The following IL17REL variants were observed in gnomAD, a reference collection of about 807,000 sequenced individuals.
IL17REL encodes the protein interleukin-17 receptor E-like protein.
In IL17REL, 36 loss-of-function variants were observed where a neutral mutation model predicts 49.0. That is an observed-to-expected ratio of 0.73 (90% CI 0.56 to 0.97). The LOEUF (loss-of-function observed/expected upper bound fraction) is 0.97. Among genes scored for constraint, IL17REL ranks in the 50% least tolerant of loss-of-function variants. The pLI is 0.00. For synonymous variants in IL17REL, 206 were observed against 192.4 expected (o/e 1.07, Z -0.58); for missense variants, 470 against 453.9 (o/e 1.04, Z -0.32).
At chr22:50,005,814 C>CA (rs1330650581) in intron 1 of IL17REL, among the ~76,000 whole-genome samples, 1 of 117,148 alleles carries the variant, frequency 8.5e-6, no homozygotes, top group Non-Finnish European at 1.8e-5. Context: ...CCCTACCCCC[C>CA]AGAAAATAAA....
intron 7 of IL17REL, 23 bp from the exon 10 acceptor site, chr22:49,998,332 A>C (rs1414905789): frequency 1.3e-6 from 2 of 1,579,904 alleles, no homozygotes; most frequent in Non-Finnish European, 8.6e-7. Flanking sequence ...TCCCCGAAAC[A>C]CAGGTCAGTT....
intron 1 of IL17REL, among the ~76,000 whole-genome samples, chr22:50,006,818 G>C (rs2061112894): frequency 6.6e-6 from 1 of 151,920 alleles, no homozygotes; most frequent in African/African-American, 2.4e-5. Flanking sequence ...ACCCAGGCAT[G>C]GTGGCACATG....
upstream of IL17REL, among the ~76,000 whole-genome samples, chr22:50,010,715 C>A (rs929798905): frequency 6.6e-6 from 1 of 152,140 alleles, no homozygotes; most frequent in Non-Finnish European, 1.5e-5. Context: ...CAGGAGAAGC[C>A]GCTGTCGGGG....
chr22:49,997,236 G>T, intron 11 of IL17REL, 84 bp downstream of exon 13: 1 of 1,474,540 alleles, frequency 6.8e-7, no homozygotes, highest in Non-Finnish European at 9.3e-7. Context: ...CCCGGGTGGG[G>T]CAGAGACCAC....
intron 9 of IL17REL, 58 bp from the exon 12 acceptor site, chr22:49,997,800 ACAGGGG>A (rs1163523756): frequency 1.9e-5 from 30 of 1,557,762 alleles, no homozygotes; most frequent in South Asian, 5.6e-5. Flanking sequence ...AGGGGCAGGG[ACAGGGG>A]CAGGGACAGG....
At chr22:50,005,674 G>A (rs982446195) in intron 1 of IL17REL, among the ~76,000 whole-genome samples, 1 of 151,976 alleles carries the variant, frequency 6.6e-6, no homozygotes, top group Non-Finnish European at 1.5e-5. Context: ...TGGTGCTGCT[G>A]GGCGCCTGTA....
At chr22:49,995,816 TG>T (rs1037253799) in exon 13 of IL17REL, 1 of 152,684 alleles carries the variant, frequency 6.5e-6, no homozygotes, top group Non-Finnish European at 1.5e-5. Context: ...GGAGTGTGTA[TG>T]ACCCCCAGAT....
chr22:49,998,107 C>T (rs753973267), intron 8 of IL17REL, 30 bp downstream of exon 10: 1 of 1,591,888 alleles, frequency 6.3e-7, no homozygotes, highest in Admixed American at 1.8e-5. Flanking sequence ...CATCCATGCC[C>T]ACCCCCATCC....
downstream of IL17REL, among the ~76,000 whole-genome samples, chr22:49,993,581 T>G (rs6010162): frequency 0.029 from 4,390 of 152,262 alleles, 214 homozygotes; most frequent in African/African-American, 0.1. The surrounding 1 kb of genome is among the most constrained non-coding windows in gnomAD (Gnocchi z 6.0). Context: ...TCCAGCAGGT[T>G]CCTCCCTTGT....
chr22:49,997,499 G>T lies in IL17REL; in HGVS notation c.878-83C>A. 6.9e-7 allele frequency: 1 copy of T among 1,445,730 alleles called. No individual in the cohort carries two copies. The highest frequency in any genetic ancestry group is 9.6e-7 in the Non-Finnish European group (1 of 1,043,470). 89.6% of individuals were successfully genotyped at this position (1,445,730 alleles called of 1,614,324 possible). A position where few individuals can be genotyped will look rare whatever the true frequency, so the allele number is the denominator to read the frequency against. On this transcript the variant is annotated intron_variant, in intron 10 of 12. Transcript: ENST00000341280. ...ATTTTCCAGGCTGTGGGGAGTGAAG[G>T]GTGAGACCCCCATCCGGCCCAGCAC...
At chr22:50,007,546 G>C (rs200650415) in intron 1 of IL17REL, among the ~76,000 whole-genome samples, 34,461 of 151,534 alleles carry the variant, frequency 0.23, 4,219 homozygotes, top group South Asian at 0.4. Context: ...AATTTTTTTG[G>C]GGGGGGGATT....
In IL17REL at chr22:50,000,466, TG is replaced by T; in HGVS notation, c.334+11del. The T allele has an allele frequency of 1.9e-6, 3 of 1,592,324 alleles. No homozygotes were observed. Among genetic ancestry groups the T allele is most frequent in the Non-Finnish European group, 2.6e-6 (3 of 1,160,800 alleles). On this transcript the variant is annotated intron_variant, in intron 4 of 12. Transcript: ENST00000341280. ...AACGGTAGCTGTGCTCAGGGGGCCC[TG>T]GGGACCCTACCTTCCACGAGGTGCC...
upstream of IL17REL, among the ~76,000 whole-genome samples, chr22:50,009,622 G>C (rs1010578904): frequency 6.7e-6 from 1 of 150,066 alleles, no homozygotes; most frequent in Non-Finnish European, 1.5e-5. Flanking sequence ...CAGACCGGAC[G>C]GGGAAGCCCA....
At chr22:50,011,344 C>G (rs1053110385), upstream of IL17REL, among the ~76,000 whole-genome samples, 1 of 151,888 alleles carries the variant, frequency 6.6e-6, no homozygotes, top group East Asian at 1.9e-4. Context: ...ATCTTGGTCC[C>G]CACCCATTCC....
At chr22:49,991,823 G>GGAA (rs1192328790), downstream of IL17REL, among the ~76,000 whole-genome samples, 1 of 152,172 alleles carries the variant, frequency 6.6e-6, no homozygotes, top group Admixed American at 6.5e-5. Context: ...CGTCAATTCA[G>GGAA]GAAGTTTATT....
chr22:50,003,682 A>G (rs964965738), intron 1 of IL17REL, among the ~76,000 whole-genome samples: 1 of 152,198 alleles, frequency 6.6e-6, no homozygotes, highest in Non-Finnish European at 1.5e-5. Context: ...TTCCCGATTA[A>G]AAAGAAAAAA....
chr22:49,999,884 A>G (rs955486446), exon 5 of IL17REL: 1 of 1,544,228 alleles, frequency 6.5e-7, no homozygotes. Flanking sequence ...AGCCGCAGGT[A>G]GTAGTCGGGG....
At chr22:50,000,820 G>C (rs977803446) in exon 3 of IL17REL, 1 of 1,601,620 alleles carries the variant, frequency 6.2e-7, no homozygotes, top group Non-Finnish European at 8.5e-7. Flanking sequence ...GCGTCTCCTG[G>C]GTGTCCAGGC....
At chr22:49,999,382 C>T in intron 6 of IL17REL, 37 bp from the exon 9 acceptor site, 1 of 1,612,872 alleles carries the variant, frequency 6.2e-7, no homozygotes, top group Non-Finnish European at 8.5e-7. Context: ...GCCCACCCAT[C>T]CCTGTGCTCC....
Sources: gnomAD v4.1 joint callset for allele counts (sites outside exome capture counted in the v4.1 genomes callset) on GRCh38, gnomAD v4.1.1 for gene constraint, Gnocchi (gnomAD v3.1) non-coding constraint, MANE v1.5 for transcripts, NCBI Gene and HGNC (gene_info 2026-07-23, HGNC 2026-07-21) for gene names.